ARHGAP39: variants seen among roughly 807,000 people sequenced by gnomAD.
ARHGAP39 encodes the protein Rho GTPase activating protein 39, also known as rho GTPase-activating protein 39.
ARHGAP39 carries 44 observed loss-of-function variants against 106.9 expected under a neutral mutation model. The observed-to-expected ratio is 0.41, with a 90% CI of 0.32 to 0.53. The LOEUF (loss-of-function observed/expected upper bound fraction) is 0.53. Among genes scored for constraint, ARHGAP39 ranks in the 20% least tolerant of loss-of-function variants. The pLI, the probability that ARHGAP39 is intolerant of heterozygous loss-of-function variation, is 0.21. For missense variants in ARHGAP39, 1,496 were observed against 1,577.3 expected (o/e 0.95, Z 0.87); for synonymous variants, 768 against 693.2 (o/e 1.11, Z -1.69).
At chr8:144,642,355 C>T (rs913081591) in intron 1 of ARHGAP39, among the ~76,000 whole-genome samples, 1 of 151,916 alleles carries the variant, frequency 6.6e-6, no homozygotes, top group Non-Finnish European at 1.5e-5. Flanking sequence ...GGCATGGTGG[C>T]GGGCGCCTGT....
At chr8:144,665,204 C>T (rs974031258) in intron 1 of ARHGAP39, among the ~76,000 whole-genome samples, 15 of 152,118 alleles carry the variant, frequency 9.9e-5, no homozygotes, top group South Asian at 2.1e-4. Flanking sequence ...TTGAGAGAGA[C>T]GACTTAGGGT....
At chr8:144,607,009 A>C (rs1483331022) in intron 1 of ARHGAP39, among the ~76,000 whole-genome samples, 2 of 151,770 alleles carry the variant, frequency 1.3e-5, no homozygotes, top group East Asian at 1.9e-4. Context: ...AAAAAAAAAA[A>C]AAAACCCACA....
chr8:144,611,320 G>A (rs1212580350), intron 1 of ARHGAP39, among the ~76,000 whole-genome samples: 1 of 152,100 alleles, frequency 6.6e-6, no homozygotes, highest in Non-Finnish European at 1.5e-5. Context: ...TAAATGTCCC[G>A]TGTGCACTGG....
Position 144,548,171 on chromosome 8 carries a change from G to A in ARHGAP39, c.915C>T (p.Arg305=). 1 of 1,576,120 alleles carries A rather than the reference G, an allele frequency of 6.3e-7. No individual in the cohort carries two copies. The highest frequency in any genetic ancestry group is 8.6e-7 in the Non-Finnish European group (1 of 1,159,914). Residue 305 remains arginine (R), a synonymous_variant, in exon 5 of 12, where the codon CGC becomes CGT. Coordinates refer to ENST00000377307, the MANE Select transcript of ARHGAP39 (RefSeq NM_025251.3). The surrounding 1 kb of genome is among the most constrained non-coding windows in gnomAD (Gnocchi z 7.4). ...PSGDSQPSSP[R]YGYEPPLYEE... ...CGTAGAGCGGGGGTTCATAGCCATAGCGCGGGGAGGAGGGCTGCGAGTCCC... is the reference window on the plus strand; with the variant it reads ...CGTAGAGCGGGGGTTCATAGCCATAACGCGGGGAGGAGGGCTGCGAGTCCC...
chr8:144,683,880 C>T (rs935107184), intron 1 of ARHGAP39, among the ~76,000 whole-genome samples: 1 of 152,168 alleles, frequency 6.6e-6, no homozygotes, highest in Non-Finnish European at 1.5e-5. Context: ...ACCCCGGAAG[C>T]ACCAGATCTT....
At chr8:144,535,341 C>T (rs760647519) in intron 7 of ARHGAP39, among the ~76,000 whole-genome samples, 1 of 151,978 alleles carries the variant, frequency 6.6e-6, no homozygotes, top group Non-Finnish European at 1.5e-5. Context: ...TTTTCATAGA[C>T]GTTTAGGTCC....
intron 1 of ARHGAP39, among the ~76,000 whole-genome samples, chr8:144,617,301 C>T (rs1469997827): frequency 2.6e-5 from 4 of 151,512 alleles, no homozygotes; most frequent in Non-Finnish European, 4.4e-5. Context: ...TGGCACCTCA[C>T]GTCTCAAAGG....
intron 4 of ARHGAP39, among the ~76,000 whole-genome samples, chr8:144,549,521 T>G (rs538654355): frequency 6.6e-6 from 1 of 152,132 alleles, no homozygotes; most frequent in African/African-American, 2.4e-5. Flanking sequence ...TGAGACGGAG[T>G]CTTGCTCTGT....
At chr8:144,605,082 C>A (rs1304048659) in intron 2 of ARHGAP39, among the ~76,000 whole-genome samples, 1 of 152,088 alleles carries the variant, frequency 6.6e-6, no homozygotes, top group East Asian at 1.9e-4. Flanking sequence ...GCCCAAGCAA[C>A]AGACCTCATC....
At chr8:144,633,243 G>A (rs1476121820) in intron 1 of ARHGAP39, among the ~76,000 whole-genome samples, 1 of 152,198 alleles carries the variant, frequency 6.6e-6, no homozygotes, top group Non-Finnish European at 1.5e-5. Context: ...TGGATCATGA[G>A]GTCAGGAGAT....
intron 3 of ARHGAP39, among the ~76,000 whole-genome samples, chr8:144,557,563 T>TA (rs1253449106): frequency 8.9e-5 from 13 of 146,810 alleles, no homozygotes; most frequent in Non-Finnish European, 1.9e-4. Flanking sequence ...TGAACCTTCA[T>TA]AGTATTCAGC....
rs1339691648 is a variant in ARHGAP39, at chr8:144,586,230, C to T, written c.81-4953G>A. 1 of 152,308 alleles carries T rather than the reference C, an allele frequency of 6.6e-6. No homozygotes were observed. 9.4% of individuals were successfully genotyped at this position (152,308 alleles called of 1,614,324 possible). On this transcript the variant is annotated intron_variant, in intron 2 of 11. Transcript: ENST00000377307. The surrounding 1 kb of genome is among the most constrained non-coding windows in gnomAD (Gnocchi z 4.2). ...TCCTGACCTCAAGTGATCTGCCCGC[C>T]TTGGCTTCCCAAAGTGTTGGGATTA... is the stretch of plus-strand genomic sequence containing the variant.
At chr8:144,685,422 G>C (rs1335612738) in intron 1 of ARHGAP39, among the ~76,000 whole-genome samples, 1 of 150,068 alleles carries the variant, frequency 6.7e-6, no homozygotes, top group Non-Finnish European at 1.5e-5. Context: ...CCGGCCCGTC[G>C]GCGCGCACCC....
At chr8:144,632,247 C>T (rs1821079702) in intron 1 of ARHGAP39, among the ~76,000 whole-genome samples, 1 of 152,340 alleles carries the variant, frequency 6.6e-6, no homozygotes, top group African/African-American at 2.4e-5. Flanking sequence ...GTTCACAGAA[C>T]AGGCACCGTC....
chr8:144,695,113 G>T, the ARHGAP39 span, among the ~76,000 whole-genome samples: 4 of 139,286 alleles, frequency 2.9e-5, no homozygotes, highest in South Asian at 2.5e-4. Flanking sequence ...CTCCCTCTGT[G>T]GCCCAGGCTG....
At chr8:144,660,284 G>A (rs933160197) in intron 1 of ARHGAP39, among the ~76,000 whole-genome samples, 2 of 151,986 alleles carry the variant, frequency 1.3e-5, no homozygotes, top group Non-Finnish European at 2.9e-5. Context: ...CCTCTTGCTG[G>A]CCTCTGGTTA....
At chr8:144,595,286 A>G (rs1366909774) in intron 2 of ARHGAP39, among the ~76,000 whole-genome samples, 1 of 152,204 alleles carries the variant, frequency 6.6e-6, no homozygotes, top group African/African-American at 2.4e-5. Context: ...CCCAGACCCA[A>G]GCTATGGTGT....
Position 144,585,723 on chromosome 8 carries a change from C to G in ARHGAP39, c.81-4446G>C, listed in dbSNP as rs1288824359. Among the ~76,000 whole-genome samples the G allele has an allele frequency of 1.3e-5, 2 of 152,206 alleles. No homozygotes were observed. The highest frequency in any genetic ancestry group is 2.9e-5 in the Non-Finnish European group (2 of 68,028). On this transcript the variant is annotated intron_variant, in intron 2 of 11. Transcript: ENST00000377307. This position sits in a 1 kb window ranked among gnomAD's most constrained non-coding sequence, Gnocchi z 4.6. Reference sequence around the variant, plus strand: ...TGCAGCCTGGGCCTCCCGAGGATGTCGCTGGTTGTGGCAGTCGGCTGTACA... The same window carrying G: ...TGCAGCCTGGGCCTCCCGAGGATGTGGCTGGTTGTGGCAGTCGGCTGTACA...
At chr8:144,659,696 C>G (rs1821777689) in intron 1 of ARHGAP39, among the ~76,000 whole-genome samples, 1 of 152,218 alleles carries the variant, frequency 6.6e-6, no homozygotes. Context: ...TTCGCTGGTT[C>G]TGATGCTCTG....
Sources: allele counts gnomAD v4.1 joint callset (sites outside exome capture counted in the v4.1 genomes callset), GRCh38; gene constraint gnomAD v4.1.1; non-coding constraint Gnocchi (gnomAD v3.1); transcripts MANE v1.5; gene names NCBI Gene and HGNC (gene_info 2026-07-23, HGNC 2026-07-21).